STRA6: variants seen among roughly 807,000 people sequenced by gnomAD.
STRA6 encodes receptor for retinol uptake STRA6.
In STRA6, 48 loss-of-function variants were observed where a neutral mutation model predicts 83.6. The ratio of observed to expected loss-of-function variants is 0.57; its 90% CI spans 0.46 to 0.73. The LOEUF (loss-of-function observed/expected upper bound fraction) is 0.73, where lower values mean the gene tolerates loss of function less well. Ranked by LOEUF, STRA6 falls within the 30% of genes least tolerant of loss-of-function variation. The pLI, the probability that STRA6 is intolerant of heterozygous loss-of-function variation, is 0.00. For missense variants in STRA6, 760 were observed against 838.8 expected (o/e 0.91, Z 1.16); for synonymous variants, 353 against 362.3 (o/e 0.97, Z 0.29).
Position 74,180,057 on chromosome 15 carries a change from A to T in STRA6, c.*23T>A. 6.2e-7 allele frequency: 1 copy of T among 1,608,516 alleles called. No homozygotes were observed. The highest frequency in any genetic ancestry group is 8.5e-7 in the Non-Finnish European group (1 of 1,175,728). Reference sequence around the variant, plus strand: ...GGAACATGCCTCAGCACAGATGGGCAGGTGGGTTGACCTTCCCTGCCCTCA... The same window carrying T: ...GGAACATGCCTCAGCACAGATGGGCTGGTGGGTTGACCTTCCCTGCCCTCA... On this transcript the variant is annotated 3_prime_UTR_variant, in exon 19 of 19. Coordinates refer to ENST00000395105, the MANE Select transcript of STRA6 (RefSeq NM_022369.4).
intron 7 of STRA6, 106 bp downstream of exon 7, chr15:74,195,196 G>T (rs540150905): frequency 7.1e-6 from 11 of 1,541,540 alleles, no homozygotes; most frequent in African/African-American, 1.4e-5. Flanking sequence ...ACAATGGAAG[G>T]CTGCAGGGCG....
chr15:74,205,361 G>GAT (rs2074236666), upstream of STRA6, among the ~76,000 whole-genome samples: 2 of 152,188 alleles, frequency 1.3e-5, no homozygotes, highest in South Asian at 4.1e-4. Flanking sequence ...TTCTGGGGAG[G>GAT]GCCTCAGGAA....
At chr15:74,210,007 A>G (rs2074346019), upstream of STRA6, among the ~76,000 whole-genome samples, 1 of 152,262 alleles carries the variant, frequency 6.6e-6, no homozygotes, top group Non-Finnish European at 1.5e-5. Flanking sequence ...GGAAGAGAGA[A>G]GGACAATGCC....
At chr15:74,197,948 C>T (rs866467938) in intron 2 of STRA6, 130 bp from the exon 3 acceptor site, 1 of 963,550 alleles carries the variant, frequency 1.0e-6, no homozygotes, top group Non-Finnish European at 1.6e-6. Flanking sequence ...ATCCCTCCTA[C>T]ACAAGCCTTC....
intron 4 of STRA6, 193 bp from the exon 5 acceptor site, chr15:74,196,340 G>T (rs2073821308): frequency 3.4e-6 from 3 of 891,198 alleles, no homozygotes; most frequent in Non-Finnish European, 3.4e-6. Flanking sequence ...TGGGCCCCGT[G>T]CCAAAGGGAC....
At chr15:74,192,418 C>A (rs531286301) in intron 8 of STRA6, among the ~76,000 whole-genome samples, 1 of 152,102 alleles carries the variant, frequency 6.6e-6, no homozygotes, top group African/African-American at 2.4e-5. Context: ...ACGTGGGAGC[C>A]GAGTCTGGAG....
At chr15:74,184,739 G>C (rs1417118301) in intron 13 of STRA6, among the ~76,000 whole-genome samples, 1 of 152,226 alleles carries the variant, frequency 6.6e-6, no homozygotes, top group Non-Finnish European at 1.5e-5. Context: ...GCTGCCCTGA[G>C]TTGGTGGTGC....
chr15:74,183,460 G>A, intron 14 of STRA6: 1 of 1,094,080 alleles, frequency 9.1e-7, no homozygotes, highest in Non-Finnish European at 1.1e-6. Context: ...TGGCCAGGCT[G>A]GTCTTCATCT....
chr15:74,204,865 G>A (rs1046535810), upstream of STRA6, among the ~76,000 whole-genome samples: 1 of 152,146 alleles, frequency 6.6e-6, no homozygotes, highest in African/African-American at 2.4e-5. Flanking sequence ...AACCCAGGGG[G>A]CAGAGGTTGC....
chr15:74,202,930 A>G, upstream of STRA6: 1 of 988,720 alleles, frequency 1.0e-6, no homozygotes, highest in Non-Finnish European at 1.2e-6. Flanking sequence ...CCCCAGCACC[A>G]TTGGCGGCCT....
rs2141995198 is a variant in STRA6, at chr15:74,181,203, T to A, written c.1684+92A>T. ...TGCAGCTACAGGCATCGGTGTGAAC[T>A]GATCAGCTGGCACGGCCCTGGGGCA... On this transcript the variant is annotated intron_variant, in intron 17 of 18. Coordinates refer to ENST00000395105, the MANE Select transcript of STRA6 (RefSeq NM_022369.4). 7.7e-6 allele frequency: 12 copies of A among 1,557,632 alleles called. No individual in the cohort carries two copies. The South Asian group carries it at 1.4e-4, about 18-fold the overall frequency.
intron 17 of STRA6, 54 bp downstream of exon 17, chr15:74,181,241 T>C: frequency 6.2e-7 from 1 of 1,605,318 alleles, no homozygotes; most frequent in Non-Finnish European, 8.5e-7. Context: ...GCAGATGCCT[T>C]CCTCACTGCT....
chr15:74,187,154 G>A (rs1269760772), intron 12 of STRA6, among the ~76,000 whole-genome samples: 1 of 152,240 alleles, frequency 6.6e-6, no homozygotes, highest in Non-Finnish European at 1.5e-5. Flanking sequence ...TGAGTGTACA[G>A]GCTAACACAG....
Position 74,196,393 on chromosome 15 carries a change from T to A in STRA6, c.267-246A>T, listed in dbSNP as rs940367294. The A allele has an allele frequency of 3.6e-5, 20 of 562,612 alleles. No homozygotes were observed. The African/African-American group carries it at 3.6e-4, about 10-fold the overall frequency. 34.9% of individuals were successfully genotyped at this position (562,612 alleles called of 1,614,324 possible). A position where few individuals can be genotyped will look rare whatever the true frequency, so the allele number is the denominator to read the frequency against. On this transcript the variant is annotated intron_variant, in intron 4 of 18. Transcript: ENST00000395105. ...TGGGAAGAAGCCCTAAGACTGCTCC[T>A]CCGCCCACCCTGGAAGCTCCAGGAA...
At chr15:74,193,069 T>C (rs1250504486) in intron 8 of STRA6, among the ~76,000 whole-genome samples, 1 of 152,208 alleles carries the variant, frequency 6.6e-6, no homozygotes, top group Non-Finnish European at 1.5e-5. Context: ...TCTTTTACCA[T>C]GATGCATTCA....
In STRA6 at chr15:74,196,001, T is replaced by C; in HGVS notation, c.406+7A>G. 6.2e-7 allele frequency: 1 copy of C among 1,613,696 alleles called. No homozygotes were observed. Among genetic ancestry groups the C allele is most frequent in the Non-Finnish European group, 8.5e-7 (1 of 1,179,916 alleles). On this transcript the variant is annotated splice_region_variant and intron_variant, in intron 5 of 18. Transcript: ENST00000395105. ...ACCAACCCCAGGGCCTGGGGGTCAG[T>C]GGGTACCTTGGCTGGGTGCTGAGGC...
rs539538133 is a variant in STRA6, at chr15:74,189,723, G to A, written c.928-446C>T. ...TCTGTGGCCAGGCTGGAGTGCAGTG[G>A]CGCGATCTCGGCTCACTGCAACCTC... is the stretch of plus-strand genomic sequence containing the variant. On this transcript the variant is annotated intron_variant, in intron 11 of 18. Transcript: ENST00000395105. Among the ~76,000 whole-genome samples, 4 of 151,024 alleles carry A rather than the reference G, an allele frequency of 2.6e-5. No homozygotes were observed. In the East Asian group the frequency reaches 7.8e-4, roughly 29 times the overall value.
upstream of STRA6, among the ~76,000 whole-genome samples, chr15:74,210,004 A>G (rs533385846): frequency 6.6e-6 from 1 of 152,282 alleles, no homozygotes; most frequent in East Asian, 1.9e-4. Flanking sequence ...CCTGGAAGAG[A>G]GAAGGACAAT....
At chr15:74,204,936 A>G (rs2074225901), upstream of STRA6, among the ~76,000 whole-genome samples, 1 of 122,958 alleles carries the variant, frequency 8.1e-6, no homozygotes, top group Admixed American at 8.1e-5. Context: ...CTCCATCTCA[A>G]AAAAAAAGAA....
Sources: gnomAD v4.1 joint callset for allele counts (sites outside exome capture counted in the v4.1 genomes callset) on GRCh38, gnomAD v4.1.1 for gene constraint, MANE v1.5 for transcripts, NCBI Gene and HGNC (gene_info 2026-07-23, HGNC 2026-07-21) for gene names.